The following ELAPOR2 variants were observed in gnomAD, a reference collection of about 807,000 sequenced individuals.
ELAPOR2 encodes endosome/lysosome-associated apoptosis and autophagy regulator family member 2.
A neutral mutation model predicts 120.7 loss-of-function variants in ELAPOR2; 89 were observed. The ratio of observed to expected loss-of-function variants is 0.74; its 90% CI spans 0.62 to 0.88. ELAPOR2 has a LOEUF of 0.88. Among genes scored for constraint, ELAPOR2 ranks in the 40% least tolerant of loss-of-function variants. The pLI is 0.00. For synonymous variants in ELAPOR2, 444 were observed against 444.9 expected, an observed-to-expected ratio of 1.00 and a Z score of 0.03; for missense variants, 1,134 against 1,251.6, an observed-to-expected ratio of 0.91 and a Z score of 1.42.
rs528303369 is a variant in ELAPOR2 at position 86,945,754 on chromosome 7, C to T, written c.507-708G>A. Among the ~76,000 whole-genome samples the T allele has an allele frequency of 1.1e-4, 17 of 152,090 alleles. No homozygotes were observed. The South Asian group carries it at 3.5e-3, about 32-fold the overall frequency. ...TACAGTAATTTCTAGCCTTTGCAAC[C>T]TGGGGTTAGCAAAGATATCCTAACA... On this transcript the variant is annotated intron_variant, in intron 3 of 21. Coordinates refer to ENST00000450689, the MANE Select transcript of ELAPOR2 (RefSeq NM_001142749.3).
chr7:86,961,122 A>T (rs1050481476), intron 2 of ELAPOR2, among the ~76,000 whole-genome samples: 2 of 152,198 alleles, frequency 1.3e-5, no homozygotes, highest in Non-Finnish European at 2.9e-5. Flanking sequence ...TTCTATATAC[A>T]TCTATATGTA....
chr7:86,918,323 CAAAA>C (rs370415220), intron 12 of ELAPOR2, 115 bp downstream of exon 12: 3,107 of 172,120 alleles, frequency 0.018, no homozygotes, highest in South Asian at 0.027. Flanking sequence ...CTAAGAATAG[CAAAA>C]AAAAAAAAAA....
chr7:86,989,707 C>T (rs1266296798), intron 1 of ELAPOR2, among the ~76,000 whole-genome samples: 1 of 152,080 alleles, frequency 6.6e-6, no homozygotes, highest in Non-Finnish European at 1.5e-5. Flanking sequence ...AGTGGAATCC[C>T]TTTATTGAGC....
intron 13 of ELAPOR2, among the ~76,000 whole-genome samples, chr7:86,913,657 G>A (rs1789426374): frequency 6.6e-6 from 1 of 152,144 alleles, no homozygotes; most frequent in Non-Finnish European, 1.5e-5. Context: ...AGGACCTCTA[G>A]TCATACACAA....
chr7:87,043,665 G>A (rs970866458), intron 1 of ELAPOR2, among the ~76,000 whole-genome samples: 3 of 148,626 alleles, frequency 2.0e-5, no homozygotes, highest in Non-Finnish European at 4.5e-5. Flanking sequence ...ATACTGAATG[G>A]GCAAAAACTG....
intron 2 of ELAPOR2, among the ~76,000 whole-genome samples, chr7:86,961,760 T>C (rs999762763): frequency 1.3e-5 from 2 of 152,176 alleles, no homozygotes; most frequent in Non-Finnish European, 2.9e-5. Flanking sequence ...ACAAAGAGTG[T>C]TGTGGTTCAG....
intron 2 of ELAPOR2, among the ~76,000 whole-genome samples, chr7:86,958,308 TA>T (rs1791559161): frequency 6.6e-6 from 1 of 152,210 alleles, no homozygotes; most frequent in African/African-American, 2.4e-5. Flanking sequence ...TTGTAATGAC[TA>T]AATGAATTGG....
At chr7:86,894,480 G>A (rs1268264744) in intron 19 of ELAPOR2, among the ~76,000 whole-genome samples, 1 of 151,854 alleles carries the variant, frequency 6.6e-6, no homozygotes, top group African/African-American at 2.4e-5. Flanking sequence ...TATCAAATGT[G>A]CAATGCCCAA....
intron 1 of ELAPOR2, among the ~76,000 whole-genome samples, chr7:86,972,179 T>C (rs1356819162): frequency 6.6e-6 from 1 of 152,154 alleles, no homozygotes; most frequent in Non-Finnish European, 1.5e-5. Flanking sequence ...GACTTCTGAT[T>C]TGAGGCTTGG....
chr7:86,985,423 T>C (rs922878001), intron 1 of ELAPOR2, among the ~76,000 whole-genome samples: 4 of 152,198 alleles, frequency 2.6e-5, no homozygotes, highest in African/African-American at 9.7e-5. Context: ...CTGATAAACA[T>C]TGATGTAAAA....
chr7:86,939,389 CCAG>C (rs1198803218), intron 6 of ELAPOR2, among the ~76,000 whole-genome samples: 1 of 151,990 alleles, frequency 6.6e-6, no homozygotes, highest in African/African-American at 2.4e-5. Context: ...CCAGTCTTTG[CCAG>C]CAGATGTCCT....
chr7:86,952,901 C>A lies in ELAPOR2; in HGVS notation c.311-4979G>T, dbSNP rs572590594. 2.0e-3 allele frequency among the ~76,000 whole-genome samples: 310 copies of A among 152,092 alleles called. 3 individuals carry two copies. The highest frequency in any genetic ancestry group is 2.7e-3 in the Non-Finnish European group (182 of 67,984). ...CTTGAGGTCAGGAGTTTGAGACCAG[C>A]TTGGACAACAAGGTGAAACCCTATC... On this transcript the variant is annotated intron_variant, in intron 2 of 21. Transcript: ENST00000450689.
chr7:86,910,323 T>C (rs1175957833), intron 15 of ELAPOR2, among the ~76,000 whole-genome samples: 1 of 152,122 alleles, frequency 6.6e-6, no homozygotes, highest in Non-Finnish European at 1.5e-5. Flanking sequence ...CTATGAAATG[T>C]TCAATTCATA....
At chr7:87,013,295 G>A (rs988044441) in intron 1 of ELAPOR2, among the ~76,000 whole-genome samples, 2 of 151,852 alleles carry the variant, frequency 1.3e-5, no homozygotes, top group Non-Finnish European at 2.9e-5. Context: ...TACATACATC[G>A]GGGTAAAAAA....
intron 1 of ELAPOR2, among the ~76,000 whole-genome samples, chr7:86,967,219 G>T (rs756531811): frequency 5.9e-5 from 9 of 152,102 alleles, no homozygotes; most frequent in Non-Finnish European, 1.2e-4. Context: ...CAGCACTTTG[G>T]GATGCCAAGG....
At chr7:86,982,516 C>A (rs1388110674) in intron 1 of ELAPOR2, among the ~76,000 whole-genome samples, 1 of 152,220 alleles carries the variant, frequency 6.6e-6, no homozygotes, top group African/African-American at 2.4e-5. Context: ...TGTTCTGCAG[C>A]CTCCACTGGT....
intron 21 of ELAPOR2, among the ~76,000 whole-genome samples, chr7:86,883,058 G>A (rs1410025707): frequency 6.6e-6 from 1 of 151,716 alleles, no homozygotes; most frequent in Non-Finnish European, 1.5e-5. Context: ...GTGTGTGTGT[G>A]TGTGAAAGAC....
chr7:87,038,968 C>G (rs1794675426), intron 1 of ELAPOR2, among the ~76,000 whole-genome samples: 2 of 151,364 alleles, frequency 1.3e-5, no homozygotes, highest in Admixed American at 1.3e-4. Context: ...TACAAACGAT[C>G]AATGAAACAA....
chr7:86,902,217 C>T (rs1479550889), intron 18 of ELAPOR2, among the ~76,000 whole-genome samples: 2 of 152,052 alleles, frequency 1.3e-5, no homozygotes, highest in African/African-American at 4.8e-5. Context: ...CATCTTGTTG[C>T]CCAAGCTGGG....
Sources: gnomAD v4.1 joint callset for allele counts (sites outside exome capture counted in the v4.1 genomes callset) on GRCh38, gnomAD v4.1.1 for gene constraint, MANE v1.5 for transcripts, NCBI Gene and HGNC (gene_info 2026-07-23, HGNC 2026-07-21) for gene names.